Variants in C12orf60 observed in about 807,000 individuals in gnomAD.
The protein encoded by C12orf60 is uncharacterized protein C12orf60.
For synonymous variants in C12orf60, 102 were observed against 94.6 expected (o/e 1.08, Z -0.45); for missense variants, 284 against 283.2 (o/e 1.00, Z -0.02).
chr12:14,822,317 GACAACAACA>G (rs746917116), intron 1 of C12orf60, among the ~76,000 whole-genome samples: 2 of 149,950 alleles, frequency 1.3e-5, no homozygotes, highest in African/African-American at 2.5e-5. Context: ...GAAGACAAAC[GACAACAACA>G]ACAACAACAA....
chr12:14,812,625 A>G (rs1950159036), intron 1 of C12orf60, among the ~76,000 whole-genome samples: 1 of 152,164 alleles, frequency 6.6e-6, no homozygotes, highest in South Asian at 2.1e-4. Context: ...TTACATAATT[A>G]GTGGCATAAG....
intron 1 of C12orf60, among the ~76,000 whole-genome samples, chr12:14,818,307 A>G (rs1405042462): frequency 1.3e-5 from 2 of 152,200 alleles, no homozygotes; most frequent in African/African-American, 4.8e-5. Context: ...TGCTGCGCAG[A>G]AGCTCTTTAG....
chr12:14,809,277 C>T (rs1452512248), intron 1 of C12orf60, among the ~76,000 whole-genome samples: 1 of 152,152 alleles, frequency 6.6e-6, no homozygotes, highest in African/African-American at 2.4e-5. Flanking sequence ...AAGTGGTCGG[C>T]TCCTTTTCAA....
intron 1 of C12orf60, chr12:14,805,861 C>T: frequency 1.2e-6 from 1 of 818,310 alleles, no homozygotes. Context: ...CTAGTCTTGG[C>T]ATCTCCAGTT....
rs963431672 is a variant in C12orf60, at chr12:14,811,569, G to A, written c.-25+7818G>A. Among the ~76,000 whole-genome samples, 16 of 152,182 alleles carry A rather than the reference G, an allele frequency of 1.1e-4. 1 individual carries two copies. Among genetic ancestry groups the A allele is most frequent in the Admixed American group, 8.5e-4 (13 of 15,282 alleles). ...GGTTAGCTTGAGATGGATGCTTACT[G>A]CACCTAACCTTGTTAATTTTTTTGA... is the stretch of plus-strand genomic sequence containing the variant. On this transcript the variant is annotated intron_variant, in intron 1 of 1. Transcript: ENST00000330828.
chr12:14,816,892 G>A (rs1950229242), intron 1 of C12orf60, among the ~76,000 whole-genome samples: 1 of 151,832 alleles, frequency 6.6e-6, no homozygotes, highest in Non-Finnish European at 1.5e-5. Context: ...TTACAGGCGT[G>A]TGCCACACCC....
rs765497999 is a variant in C12orf60, at chr12:14,823,089, A to G, written c.154A>G (p.Asn52Asp). The G allele has an allele frequency of 3.1e-6, 5 of 1,614,172 alleles. No homozygotes were observed. The South Asian group carries it at 5.5e-5, about 18-fold the overall frequency. The change falls in exon 2 of 2, where the codon AAC (asparagine) becomes GAC (aspartate). Residue 52 changes from asparagine to aspartate, a missense_variant. Physicochemically the swap from Asn to Asp is conservative, Grantham distance 23. Coordinates refer to ENST00000330828, the MANE Select transcript of C12orf60 (RefSeq NM_175874.4). ...NTQILLMAVK[N>D]NSYIKDFFEQ... ...TCAAATCCTTTTGATGGCTGTGAAA[A>G]ACAATAGTTACATTAAGGATTTTTT...
At chr12:14,817,885 A>G (rs552399442) in intron 1 of C12orf60, among the ~76,000 whole-genome samples, 206 of 152,178 alleles carry the variant, frequency 1.4e-3, no homozygotes, top group Non-Finnish European at 2.5e-3. Context: ...TTCTGGTTCT[A>G]TATCCTTGAG....
intron 1 of C12orf60, among the ~76,000 whole-genome samples, chr12:14,819,148 T>C (rs901206032): frequency 6.6e-6 from 1 of 152,138 alleles, no homozygotes; most frequent in Non-Finnish European, 1.5e-5. Context: ...CTATATAGAG[T>C]CTTTCAGTTC....
intron 1 of C12orf60, among the ~76,000 whole-genome samples, chr12:14,820,185 T>A (rs1950283773): frequency 6.6e-6 from 1 of 152,020 alleles, no homozygotes; most frequent in Non-Finnish European, 1.5e-5. Context: ...TCGTTATCCT[T>A]TTTATATCTG....
chr12:14,812,755 T>G (rs980362104), intron 1 of C12orf60, among the ~76,000 whole-genome samples: 3 of 151,954 alleles, frequency 2.0e-5, no homozygotes, highest in Non-Finnish European at 4.4e-5. Context: ...GCTATAAAAT[T>G]TTTACAATTT....
rs763200769 is a variant in C12orf60 at position 14,823,302 on chromosome 12, A to G, written c.367A>G (p.Ile123Val). 10 of 1,614,202 alleles carry G rather than the reference A, an allele frequency of 6.2e-6. No individual in the cohort carries two copies. The highest frequency in any genetic ancestry group is 7.6e-6 in the Non-Finnish European group (9 of 1,180,030). The change falls in exon 2 of 2, where the codon ATC (isoleucine) becomes GTC (valine). Residue 123 changes from isoleucine to valine, a missense_variant. By Grantham distance (29) the Ile-to-Val change is conservative. Transcript: ENST00000330828. ...EVFKSAHTPV[I>V]ISVLNSSNIL... ...ATTCAAAAGTGCCCATACGCCAGTCATCATCTCTGTGCTAAACAGCAGTAA... is the reference window on the plus strand; with the variant it reads ...ATTCAAAAGTGCCCATACGCCAGTCGTCATCTCTGTGCTAAACAGCAGTAA...
chr12:14,805,439 G>C (rs1160817982), intron 1 of C12orf60: 4 of 152,370 alleles, frequency 2.6e-5, no homozygotes, highest in African/African-American at 9.7e-5. Context: ...TTACAGATCA[G>C]CTTCCTGTCC....
At chr12:14,808,164 CA>C (rs550952665) in intron 1 of C12orf60, among the ~76,000 whole-genome samples, 259 of 132,868 alleles carry the variant, frequency 1.9e-3, no homozygotes, top group Middle Eastern at 3.8e-3. Context: ...GACTTTGTCT[CA>C]AAAAAAAAAA....
In C12orf60 at chr12:14,823,108, AT is replaced by A; in HGVS notation, c.180del (p.Phe60LeufsTer14). On this transcript the variant is annotated frameshift_variant, in exon 2 of 2. Transcript: ENST00000330828. LOFTEE classifies it low-confidence loss of function (END_TRUNC). Reference sequence around the variant, plus strand: ...GTGAAAAACAATAGTTACATTAAGGATTTTTTTGAGCAAATGCTCAAAATTT... The same window carrying A: ...GTGAAAAACAATAGTTACATTAAGGATTTTTTGAGCAAATGCTCAAAATTT... ...MAVKNNSYIK[D>X]FFEQMLKIFK... 1 of 1,614,076 alleles carries A rather than the reference AT, an allele frequency of 6.2e-7. No homozygotes were observed. The highest frequency in any genetic ancestry group is 8.5e-7 in the Non-Finnish European group (1 of 1,179,988).
At chr12:14,809,909 A>T (rs1235871931) in intron 1 of C12orf60, among the ~76,000 whole-genome samples, 1 of 152,222 alleles carries the variant, frequency 6.6e-6, no homozygotes, top group Admixed American at 6.5e-5. Context: ...GGAAAAGTTC[A>T]GTCTTACTAG....
At chr12:14,822,850 GTTTC>G in intron 1 of C12orf60, 58 bp from the exon 2 acceptor site, 1 of 1,403,726 alleles carries the variant, frequency 7.1e-7, no homozygotes, top group Non-Finnish European at 9.6e-7. Context: ...TATACTTTCA[GTTTC>G]TTTATGGTTG....
intron 1 of C12orf60, among the ~76,000 whole-genome samples, chr12:14,808,002 C>T (rs1950079794): frequency 6.6e-6 from 1 of 152,072 alleles, no homozygotes; most frequent in Non-Finnish European, 1.5e-5. Context: ...CCCATCTCTA[C>T]TAAAAATACA....
At chr12:14,806,015 G>A in intron 1 of C12orf60, 3 of 1,604,966 alleles carry the variant, frequency 1.9e-6, no homozygotes, top group Non-Finnish European at 2.6e-6. Flanking sequence ...ATTTCATTTG[G>A]TGTTTCACTG....
Sources: allele counts gnomAD v4.1 joint callset (sites outside exome capture counted in the v4.1 genomes callset), GRCh38; gene constraint gnomAD v4.1.1; transcripts MANE v1.5; gene names NCBI Gene and HGNC (gene_info 2026-07-23, HGNC 2026-07-21).